Variants in ARHGEF3 observed in about 807,000 individuals in gnomAD.
ARHGEF3 encodes the protein 59.8 kDA protein.
In ARHGEF3, 28 loss-of-function variants were observed where a neutral mutation model predicts 63.2. The ratio of observed to expected loss-of-function variants is 0.44; its 90% CI spans 0.33 to 0.61. ARHGEF3 has a LOEUF of 0.61. Ranked by LOEUF, ARHGEF3 falls within the 20% of genes least tolerant of loss-of-function variation. The probability of loss-of-function intolerance (pLI) is 0.03; values close to 1 mark genes in which losing one functional copy is unlikely to be tolerated. For synonymous variants in ARHGEF3, 266 were observed against 254.2 expected (o/e 1.05, Z -0.44); for missense variants, 533 against 659.3 (o/e 0.81, Z 2.10).
At chr3:56,868,268 CATAAA>C (rs1024364643) in intron 4 of ARHGEF3, among the ~76,000 whole-genome samples, 28 of 152,024 alleles carry the variant, frequency 1.8e-4, no homozygotes, top group Non-Finnish European at 2.9e-5. Context: ...TTGGCTTTTA[CATAAA>C]ATAAAGTGAA....
intron 3 of ARHGEF3, among the ~76,000 whole-genome samples, chr3:56,922,720 T>G (rs2042175350): frequency 1.3e-5 from 2 of 152,166 alleles, no homozygotes; most frequent in Admixed American, 6.5e-5. Flanking sequence ...TAACAATAAA[T>G]TAATATTTGG....
chr3:56,941,739 C>T (rs1699198322), intron 3 of ARHGEF3, among the ~76,000 whole-genome samples: 1 of 152,116 alleles, frequency 6.6e-6, no homozygotes, highest in African/African-American at 2.4e-5. Flanking sequence ...TCATCTACTC[C>T]ATATTGTTGT....
At chr3:57,051,608 C>T (rs1704672375) in intron 1 of ARHGEF3, among the ~76,000 whole-genome samples, 1 of 152,198 alleles carries the variant, frequency 6.6e-6, no homozygotes, top group Admixed American at 6.5e-5. Context: ...GCAGGTACTG[C>T]TCTTGGTGCT....
chr3:56,892,257 GA>G (rs968315066), intron 3 of ARHGEF3, among the ~76,000 whole-genome samples: 2 of 148,994 alleles, frequency 1.3e-5, no homozygotes, highest in Admixed American at 6.7e-5. Context: ...AATTGTCCCA[GA>G]AAAAAAAAAT....
chr3:57,020,919 G>C (rs1703230511), intron 2 of ARHGEF3, among the ~76,000 whole-genome samples: 1 of 152,220 alleles, frequency 6.6e-6, no homozygotes, highest in Non-Finnish European at 1.5e-5. Context: ...ACTGGTGGCT[G>C]TACACCCAGC....
chr3:56,967,701 C>T (rs541501055), intron 2 of ARHGEF3, among the ~76,000 whole-genome samples: 25 of 79,838 alleles, frequency 3.1e-4, no homozygotes, highest in African/African-American at 1.3e-3. Flanking sequence ...ACATAATAAA[C>T]ATTATATTAT....
chr3:56,821,407 A>T (rs1250454669), intron 4 of ARHGEF3, among the ~76,000 whole-genome samples: 1 of 152,234 alleles, frequency 6.6e-6, no homozygotes, highest in Non-Finnish European at 1.5e-5. Context: ...AAACTAAGTT[A>T]TTCAACTTAG....
intron 1 of ARHGEF3, among the ~76,000 whole-genome samples, chr3:57,056,940 C>T (rs1704966661): frequency 6.6e-6 from 1 of 151,984 alleles, no homozygotes; most frequent in African/African-American, 2.4e-5. Context: ...TCTATACACA[C>T]ACACACACCC....
intron 2 of ARHGEF3, among the ~76,000 whole-genome samples, chr3:56,968,960 G>C (rs1182560266): frequency 6.6e-6 from 1 of 152,162 alleles, no homozygotes; most frequent in Non-Finnish European, 1.5e-5. Context: ...TGTCTTAGCA[G>C]TTGGTGACAA....
intron 2 of ARHGEF3, among the ~76,000 whole-genome samples, chr3:56,964,178 C>T (rs142473281): frequency 9.4e-4 from 143 of 152,046 alleles, no homozygotes; most frequent in Middle Eastern, 3.4e-3. Context: ...ATGGTGAAAC[C>T]CCGTCTCTAC....
At chr3:56,875,118 T>C (rs962991807) in intron 4 of ARHGEF3, among the ~76,000 whole-genome samples, 1 of 152,194 alleles carries the variant, frequency 6.6e-6, no homozygotes, top group Non-Finnish European at 1.5e-5. Context: ...TTATAACTTC[T>C]ATCCACTCCG....
chr3:57,079,036 G>T, intron 1 of ARHGEF3: 1 of 340,294 alleles, frequency 2.9e-6, no homozygotes, highest in Non-Finnish European at 5.3e-6. Flanking sequence ...GCCCGCCGGG[G>T]ACGCCGAGAC....
chr3:57,042,767 G>A (rs1048308974), intron 1 of ARHGEF3, among the ~76,000 whole-genome samples: 3 of 141,994 alleles, frequency 2.1e-5, no homozygotes, highest in Admixed American at 7.5e-5. Context: ...CGTGATCTCA[G>A]CTCACTGCAA....
At chr3:56,879,782 CCTTT>C (rs1275409506) in intron 4 of ARHGEF3, among the ~76,000 whole-genome samples, 1 of 152,088 alleles carries the variant, frequency 6.6e-6, no homozygotes, top group Non-Finnish European at 1.5e-5. Context: ...AGATAAAGTT[CCTTT>C]GAGTAGCCCA....
chr3:56,795,347 T>G (rs942527370), intron 1 of ARHGEF3, among the ~76,000 whole-genome samples: 1 of 152,170 alleles, frequency 6.6e-6, no homozygotes, highest in Non-Finnish European at 1.5e-5. Flanking sequence ...GGTCATTTCC[T>G]GGAGGCTGGA....
At chr3:57,041,499 A>G (rs1704185566) in intron 1 of ARHGEF3, among the ~76,000 whole-genome samples, 3 of 152,234 alleles carry the variant, frequency 2.0e-5, no homozygotes, top group Admixed American at 2.0e-4. Context: ...GGTGTTAGGC[A>G]TACAGTTGGT....
At chr3:57,044,340 G>A (rs1201616430) in intron 1 of ARHGEF3, among the ~76,000 whole-genome samples, 2 of 152,138 alleles carry the variant, frequency 1.3e-5, no homozygotes, top group African/African-American at 4.8e-5. Flanking sequence ...GGCCATTCGA[G>A]AATCACAGGA....
At chr3:56,812,595 C>T (rs1171629298) in intron 4 of ARHGEF3, among the ~76,000 whole-genome samples, 3 of 152,140 alleles carry the variant, frequency 2.0e-5, no homozygotes, top group Non-Finnish European at 1.5e-5. Flanking sequence ...TTTTTTTCCT[C>T]TTAACTTGCC....
At chr3:56,911,970 T>TAC (rs1304764511) in intron 3 of ARHGEF3, among the ~76,000 whole-genome samples, 2 of 150,918 alleles carry the variant, frequency 1.3e-5, no homozygotes, top group African/African-American at 4.9e-5. Flanking sequence ...TACACACACA[T>TAC]ATATATATAC....
Sources: gnomAD v4.1 joint callset for allele counts (sites outside exome capture counted in the v4.1 genomes callset) on GRCh38, gnomAD v4.1.1 for gene constraint, MANE v1.5 for transcripts, NCBI Gene and HGNC (gene_info 2026-07-23, HGNC 2026-07-21) for gene names.